Variants in ABCB7 observed in about 807,000 individuals in gnomAD.
ABCB7 encodes the protein iron-sulfur clusters transporter ABCB7, mitochondrial.
Under a neutral mutation model 54.4 loss-of-function variants are expected in ABCB7, and 7 were observed. The observed-to-expected ratio is 0.13, with a 90% CI of 0.07 to 0.24. ABCB7 has a LOEUF of 0.24. Ranked by LOEUF, ABCB7 falls within the 10% of genes least tolerant of loss-of-function variation. ABCB7 has a pLI of 1.00. For missense variants in ABCB7, 356 were observed against 570.4 expected, an observed-to-expected ratio of 0.62 and a Z score of 3.83; for synonymous variants, 218 against 207.1, an observed-to-expected ratio of 1.05 and a Z score of -0.45.
At chrX:75,101,699 C>G (rs1455618185) in intron 3 of ABCB7, among the ~76,000 whole-genome samples, 1 of 111,504 alleles carries the variant, frequency 9.0e-6, no homozygotes, top group Non-Finnish European at 1.9e-5. Context: ...TGAGTTTTGT[C>G]TGTCTTACTT....
chrX:75,085,119 A>T (rs755952777), intron 4 of ABCB7, among the ~76,000 whole-genome samples: 1 of 112,441 alleles, frequency 8.9e-6, no homozygotes, highest in South Asian at 3.7e-4. Context: ...ATGGAAACTC[A>T]GGTTCACACA....
At chrX:75,117,951 T>C (rs767136561) in intron 1 of ABCB7, among the ~76,000 whole-genome samples, 177 of 112,378 alleles carry the variant, frequency 1.6e-3, no homozygotes, top group Non-Finnish European at 2.9e-3. Flanking sequence ...TAAAAATCAC[T>C]GTTTAGCTCC....
At chrX:75,121,310 T>C (rs992398106) in intron 1 of ABCB7, among the ~76,000 whole-genome samples, 2 of 106,082 alleles carry the variant, frequency 1.9e-5, no homozygotes, top group Non-Finnish European at 3.9e-5. Flanking sequence ...AAAAAGTCTA[T>C]GTAAAAAAAA....
At chrX:75,150,755 T>C (rs919153392) in intron 1 of ABCB7, among the ~76,000 whole-genome samples, 7 of 111,890 alleles carry the variant, frequency 6.3e-5, no homozygotes, top group Non-Finnish European at 1.1e-4. Context: ...CATACTTTTC[T>C]TTGAAAAAGC....
At chrX:75,130,193 G>A (rs184765927) in intron 1 of ABCB7, among the ~76,000 whole-genome samples, 2 of 111,946 alleles carry the variant, frequency 1.8e-5, no homozygotes, top group Non-Finnish European at 1.9e-5. Flanking sequence ...ACAGGATTTT[G>A]TTTGTTTCTT....
intron 1 of ABCB7, among the ~76,000 whole-genome samples, chrX:75,122,568 C>A (rs759102555): frequency 2.7e-5 from 3 of 112,213 alleles, no homozygotes; most frequent in Admixed American, 1.9e-4. Context: ...TGTAATATTT[C>A]TATTTTTAAT....
chrX:75,073,920 G>A lies in ABCB7; in HGVS notation c.892C>T (p.Leu298Phe). The change falls in exon 7 of 16, where the codon CTT (leucine) becomes TTT (phenylalanine). Residue 298 changes from leucine to phenylalanine, a missense_variant. This residue lies in a region of ABCB7 where 241 missense variants were observed against 470.9 expected (regional missense o/e 0.51). Coordinates refer to ENST00000373394, the MANE Select transcript of ABCB7 (RefSeq NM_001271696.3). ...KCGAQFALVT[L>F]GTLGTYTAFT... Reference sequence around the variant, plus strand: ...GCTGTGTATGTACCAAGTGTTCCAAGGGTTACCAAAGCAAACTGGGCACCG... The same window carrying A: ...GCTGTGTATGTACCAAGTGTTCCAAAGGTTACCAAAGCAAACTGGGCACCG... The A allele has an allele frequency of 1.7e-6, 2 of 1,210,537 alleles. No individual in the cohort carries two copies. Among genetic ancestry groups the A allele is most frequent in the Non-Finnish European group, 2.2e-6 (2 of 894,419 alleles).
chrX:75,135,134 G>C (rs1460742466), intron 1 of ABCB7, among the ~76,000 whole-genome samples: 2 of 108,568 alleles, frequency 1.8e-5, no homozygotes, highest in Non-Finnish European at 3.8e-5. Flanking sequence ...AAATGACAAA[G>C]GGGACATTAC....
At chrX:75,094,019 CATATATAT>C (rs199523853) in intron 4 of ABCB7, among the ~76,000 whole-genome samples, 1 of 46,029 alleles carries the variant, frequency 2.2e-5, no homozygotes, top group African/African-American at 9.3e-5. Flanking sequence ...CTGTTATATA[CATATATAT>C]ATATATATAT....
At chrX:75,054,583 T>C (rs1211032851) in intron 15 of ABCB7, among the ~76,000 whole-genome samples, 2 of 111,247 alleles carry the variant, frequency 1.8e-5, no homozygotes, top group East Asian at 5.6e-4. Flanking sequence ...CCTTGTTTTT[T>C]TTTTTCATTT....
At chrX:75,103,409 G>A (rs192299201) in intron 3 of ABCB7, among the ~76,000 whole-genome samples, 6 of 111,034 alleles carry the variant, frequency 5.4e-5, no homozygotes, top group East Asian at 5.6e-4. Flanking sequence ...TGCCTTTGTC[G>A]AAAATCAGTT....
intron 1 of ABCB7, among the ~76,000 whole-genome samples, chrX:75,121,848 T>TA (rs1305797843): frequency 1.8e-5 from 2 of 112,128 alleles, no homozygotes; most frequent in Non-Finnish European, 3.8e-5. Flanking sequence ...ACTCAAGAGT[T>TA]ATGAATGGCC....
chrX:75,134,916 A>T (rs1427019052), intron 1 of ABCB7, among the ~76,000 whole-genome samples: 4 of 111,534 alleles, frequency 3.6e-5, no homozygotes, highest in African/African-American at 1.3e-4. Context: ...ATCTAAAGGA[A>T]CCAGAAAAAC....
At chrX:75,072,945 T>G (rs1257734651) in intron 8 of ABCB7, among the ~76,000 whole-genome samples, 1 of 110,489 alleles carries the variant, frequency 9.1e-6, no homozygotes, top group South Asian at 3.8e-4. Flanking sequence ...TTTTTTACTT[T>G]TTAAACTTTT....
At chrX:75,097,574 CAATT>C (rs1243827824) in intron 4 of ABCB7, 1 of 111,097 alleles carries the variant, frequency 9.0e-6, no homozygotes, top group African/African-American at 3.3e-5. Flanking sequence ...TATAAGTTCT[CAATT>C]AATATTTTTA....
At chrX:75,055,211 A>C (rs1472270276) in intron 15 of ABCB7, among the ~76,000 whole-genome samples, 1 of 110,954 alleles carries the variant, frequency 9.0e-6, no homozygotes, top group Non-Finnish European at 1.9e-5. Context: ...TGCTTCTCCT[A>C]GTTTGGCAAC....
At chrX:75,136,368 T>A (rs2147560805) in intron 1 of ABCB7, among the ~76,000 whole-genome samples, 2 of 111,309 alleles carry the variant, frequency 1.8e-5, no homozygotes, top group South Asian at 3.8e-4. Context: ...TGGAAAAATA[T>A]CCCATGCTCA....
intron 12 of ABCB7, among the ~76,000 whole-genome samples, chrX:75,066,905 A>G (rs774102360): frequency 9.0e-6 from 1 of 111,686 alleles, no homozygotes; most frequent in African/African-American, 3.2e-5. Context: ...CTCTGATCCT[A>G]TAACACTGTA....
Position 75,123,168 on chromosome X carries a change from T to C in ABCB7, c.169-8337A>G, listed in dbSNP as rs145680262. Among the ~76,000 whole-genome samples, 911 of 111,303 alleles carry C rather than the reference T, an allele frequency of 8.2e-3. 6 individuals carry two copies. The highest frequency in any genetic ancestry group is 0.038 in the Middle Eastern group (8 of 213). On this transcript the variant is annotated intron_variant, in intron 1 of 15. Coordinates refer to ENST00000373394, the MANE Select transcript of ABCB7 (RefSeq NM_001271696.3). The stretch of plus-strand genomic sequence containing the variant: ...TCTAGGAGTTTTGAGGGTTTAAGGC[T>C]TATGTGTAAGCCTCTTATCCATTTT...
Sources: allele counts gnomAD v4.1 joint callset (sites outside exome capture counted in the v4.1 genomes callset), GRCh38; gene constraint gnomAD v4.1.1; regional missense constraint gnomAD v4.1.1; transcripts MANE v1.5; gene names NCBI Gene and HGNC (gene_info 2026-07-23, HGNC 2026-07-21).